ACTR3C: variants seen among roughly 807,000 people sequenced by gnomAD.
ACTR3C encodes actin related protein 3C, also known as actin-related protein 3C.
In ACTR3C, 18 loss-of-function variants were observed where a neutral mutation model predicts 26.3. That is an observed-to-expected ratio of 0.68 (90% CI 0.47 to 1.01). The LOEUF is 1.01. Among genes scored for constraint, ACTR3C ranks in the 50% least tolerant of loss-of-function variants. The probability of loss-of-function intolerance (pLI) is 0.00; values close to 1 mark genes in which losing one functional copy is unlikely to be tolerated. For missense variants in ACTR3C, 184 were observed against 250.7 expected (o/e 0.73, Z 1.80); for synonymous variants, 55 against 94.5 (o/e 0.58, Z 2.42).
the ACTR3C span, among the ~76,000 whole-genome samples, chr7:149,991,092 C>T: frequency 9.2e-5 from 14 of 152,230 alleles, no homozygotes; most frequent in East Asian, 2.1e-3. Flanking sequence ...CTCACAATCA[C>T]GGCAGAAGGC....
the ACTR3C span, among the ~76,000 whole-genome samples, chr7:149,930,028 A>G: frequency 6.6e-6 from 1 of 152,214 alleles, no homozygotes; most frequent in African/African-American, 2.4e-5. Flanking sequence ...TCCTGTATCT[A>G]TCACAGAGAA....
At chr7:150,134,769 C>T in the ACTR3C span, among the ~76,000 whole-genome samples, 2 of 152,380 alleles carry the variant, frequency 1.3e-5, no homozygotes, top group East Asian at 1.9e-4. Flanking sequence ...CCATATCTAC[C>T]TCTTCTTTAG....
At chr7:150,175,911 G>T in the ACTR3C span, among the ~76,000 whole-genome samples, 5 of 150,268 alleles carry the variant, frequency 3.3e-5, no homozygotes, top group Non-Finnish European at 4.4e-5. Context: ...ATGTGAATAG[G>T]TATGGGTTTG....
the ACTR3C span, among the ~76,000 whole-genome samples, chr7:149,991,259 G>C: frequency 6.6e-6 from 1 of 152,166 alleles, no homozygotes; most frequent in Non-Finnish European, 1.5e-5. Context: ...ACCTCCCACT[G>C]TGTCCCTCCC....
chr7:150,015,164 T>C, the ACTR3C span, among the ~76,000 whole-genome samples: 1 of 152,108 alleles, frequency 6.6e-6, no homozygotes, highest in East Asian at 1.9e-4. Flanking sequence ...GCTATGTGAC[T>C]CTCTAGGGGG....
At chr7:149,975,570 A>T in the ACTR3C span, among the ~76,000 whole-genome samples, 1 of 152,144 alleles carries the variant, frequency 6.6e-6, no homozygotes, top group African/African-American at 2.4e-5. Context: ...GAACTAAATA[A>T]CATAGAGAAC....
chr7:149,970,796 C>A, the ACTR3C span, among the ~76,000 whole-genome samples: 3 of 152,180 alleles, frequency 2.0e-5, no homozygotes, highest in Non-Finnish European at 4.4e-5. Context: ...TGAAATTTCA[C>A]CTTCAAGTCC....
the ACTR3C span, among the ~76,000 whole-genome samples, chr7:150,116,406 C>T: frequency 1.3e-5 from 2 of 152,192 alleles, no homozygotes; most frequent in Non-Finnish European, 2.9e-5. Context: ...TGATGCCTTC[C>T]TTTTGGGGGT....
chr7:150,015,802 G>A, the ACTR3C span, among the ~76,000 whole-genome samples: 6 of 152,246 alleles, frequency 3.9e-5, no homozygotes, highest in East Asian at 1.9e-4. Context: ...TAATGGCACA[G>A]GTGGTGGGGA....
At chr7:149,933,857 C>T in the ACTR3C span, among the ~76,000 whole-genome samples, 1 of 152,006 alleles carries the variant, frequency 6.6e-6, no homozygotes, top group Admixed American at 6.6e-5. Context: ...CCATTCAACA[C>T]TAGTCAGACT....
the ACTR3C span, among the ~76,000 whole-genome samples, chr7:150,010,805 C>T: frequency 1.3e-5 from 2 of 149,080 alleles, no homozygotes; most frequent in Admixed American, 6.7e-5. Flanking sequence ...AATGGAACAT[C>T]GTGTAGGGCA....
At chr7:150,039,511 G>T in the ACTR3C span, among the ~76,000 whole-genome samples, 1 of 83,834 alleles carries the variant, frequency 1.2e-5, no homozygotes, top group African/African-American at 3.9e-5. Flanking sequence ...ACTCTCGTGG[G>T]GGGTGCCTCC....
At chr7:150,229,830 A>G in the ACTR3C span, among the ~76,000 whole-genome samples, 3 of 151,798 alleles carry the variant, frequency 2.0e-5, no homozygotes, top group African/African-American at 7.3e-5. Flanking sequence ...TAAACCAGTC[A>G]TACATTCCTA....
the ACTR3C span, among the ~76,000 whole-genome samples, chr7:150,028,108 T>C: frequency 2.6e-5 from 4 of 152,312 alleles, no homozygotes; most frequent in African/African-American, 7.2e-5. Context: ...ATTTTATTTC[T>C]AAGTCGATAT....
intron 6 of ACTR3C, among the ~76,000 whole-genome samples, chr7:150,255,242 ATTTTTTTTTTTT>A (rs745713614): frequency 1.2e-5 from 1 of 85,600 alleles, no homozygotes; most frequent in Non-Finnish European, 2.3e-5. Context: ...TTTGTAGGGG[ATTTTTTTTTTTT>A]TTTTTTTTTT....
the ACTR3C span, among the ~76,000 whole-genome samples, chr7:149,963,359 T>C: frequency 6.6e-6 from 1 of 152,206 alleles, no homozygotes; most frequent in Non-Finnish European, 1.5e-5. Context: ...TAACTCCAAA[T>C]TGTACAAAAA....
the ACTR3C span, among the ~76,000 whole-genome samples, chr7:150,153,794 T>G: frequency 8.7e-6 from 1 of 114,536 alleles, no homozygotes; most frequent in Non-Finnish European, 1.7e-5. Flanking sequence ...TGTGGCACTA[T>G]TCACAATAGC....
At chr7:149,915,170 A>G in the ACTR3C span, among the ~76,000 whole-genome samples, 5,030 of 152,204 alleles carry the variant, frequency 0.033, 270 homozygotes, top group African/African-American at 0.11. Context: ...GCCACCGCGC[A>G]TGGCAAATTT....
the ACTR3C span, chr7:149,891,405 C>T: frequency 1.6e-6 from 2 of 1,258,376 alleles, no homozygotes; most frequent in East Asian, 4.9e-5. Flanking sequence ...ATAAAGGTCT[C>T]CTTCTCATTG....
Sources: allele counts gnomAD v4.1 joint callset (sites outside exome capture counted in the v4.1 genomes callset), GRCh38; gene constraint gnomAD v4.1.1; transcripts MANE v1.5; gene names NCBI Gene and HGNC (gene_info 2026-07-23, HGNC 2026-07-21).